Variants in PCCA observed in about 807,000 individuals in gnomAD.
PCCA encodes propionyl-CoA carboxylase subunit alpha.
Under a neutral mutation model 101.3 loss-of-function variants are expected in PCCA, and 74 were observed. The observed-to-expected ratio is 0.73, with a 90% confidence interval of 0.61 to 0.89. The LOEUF (loss-of-function observed/expected upper bound fraction) is 0.89. PCCA is among the 40% of genes least tolerant of loss of function. The probability of loss-of-function intolerance (pLI) is 0.00; values close to 1 mark genes in which losing one functional copy is unlikely to be tolerated. For missense variants in PCCA, 891 were observed against 907.0 expected, an observed-to-expected ratio of 0.98 and a Z score of 0.23; for synonymous variants, 294 against 313.6, an observed-to-expected ratio of 0.94 and a Z score of 0.66.
intron 6 of PCCA, among the ~76,000 whole-genome samples, chr13:100,199,670 G>T (rs2058352240): frequency 6.6e-6 from 1 of 152,044 alleles, no homozygotes; most frequent in South Asian, 2.1e-4. Flanking sequence ...GATGCTTACT[G>T]CCCATATCTA....
At chr13:100,130,410 C>G (rs551140345) in intron 4 of PCCA, among the ~76,000 whole-genome samples, 3 of 152,280 alleles carry the variant, frequency 2.0e-5, no homozygotes, top group South Asian at 4.1e-4. Context: ...GAATTGGAAC[C>G]TGTACAAAGG....
chr13:100,351,856 G>A (rs1337325012), intron 18 of PCCA, among the ~76,000 whole-genome samples: 1 of 152,108 alleles, frequency 6.6e-6, no homozygotes, highest in Non-Finnish European at 1.5e-5. Context: ...CCAATAATAT[G>A]TTCAATGAAA....
intron 6 of PCCA, among the ~76,000 whole-genome samples, chr13:100,188,273 C>A (rs1174933241): frequency 7.6e-6 from 1 of 131,366 alleles, no homozygotes; most frequent in Non-Finnish European, 1.8e-5. Context: ...AGCCTGGCGA[C>A]AGAGCAAGAC....
At chr13:100,147,076 C>T (rs2052669323) in intron 4 of PCCA, among the ~76,000 whole-genome samples, 1 of 150,870 alleles carries the variant, frequency 6.6e-6, no homozygotes, top group South Asian at 2.1e-4. Flanking sequence ...TCAGTTTATA[C>T]CAAGAAAAAT....
At chr13:100,171,308 T>C (rs1429681523) in intron 6 of PCCA, among the ~76,000 whole-genome samples, 1 of 152,110 alleles carries the variant, frequency 6.6e-6, no homozygotes, top group African/African-American at 2.4e-5. Context: ...CAAAGCTCCT[T>C]GAGATTGTCA....
chr13:100,427,848 T>G (rs1452410839), intron 20 of PCCA, among the ~76,000 whole-genome samples: 2 of 152,116 alleles, frequency 1.3e-5, no homozygotes, highest in Admixed American at 1.3e-4. Context: ...GTGGCCCCTA[T>G]GAAGATAATA....
chr13:100,233,570 G>T (rs1456570060), intron 7 of PCCA, among the ~76,000 whole-genome samples: 1 of 152,126 alleles, frequency 6.6e-6, no homozygotes, highest in East Asian at 1.9e-4. Flanking sequence ...ATTTTGTAGA[G>T]CCTGATAATA....
intron 1 of PCCA, among the ~76,000 whole-genome samples, chr13:100,096,169 G>A (rs1172097696): frequency 6.6e-6 from 1 of 152,012 alleles, no homozygotes; most frequent in Non-Finnish European, 1.5e-5. Context: ...TTTACAGATT[G>A]AGGGTTTGTG....
At chr13:100,128,871 G>A (rs1372841148) in intron 4 of PCCA, among the ~76,000 whole-genome samples, 2 of 152,102 alleles carry the variant, frequency 1.3e-5, no homozygotes, top group Non-Finnish European at 2.9e-5. Context: ...ATCACTCAAG[G>A]TTTGATTGGT....
chr13:100,496,927 G>A (rs1594008237), intron 21 of PCCA, among the ~76,000 whole-genome samples: 1 of 152,294 alleles, frequency 6.6e-6, no homozygotes, highest in East Asian at 1.9e-4. Context: ...TGTTCAGGTC[G>A]CTACAGTGGC....
rs571933206 is a variant in PCCA at position 100,200,458 on chromosome 13, G to A, written c.469-8874G>A. The stretch of plus-strand genomic sequence containing the variant: ...CAAAATGCCTTGGCTTCTTCTAATG[G>A]TATTTGGAGATCACAGTTGGGGTAC... On this transcript the variant is annotated intron_variant, in intron 6 of 23. Transcript: ENST00000376285. Among the ~76,000 whole-genome samples the A allele has an allele frequency of 2.6e-5, 4 of 152,132 alleles. No homozygotes were observed. The South Asian group carries it at 8.3e-4, about 32-fold the overall frequency.
At chr13:100,524,987 A>ATG (rs58963772) in intron 22 of PCCA, among the ~76,000 whole-genome samples, 14,553 of 56,026 alleles carry the variant, frequency 0.26, 789 homozygotes, top group East Asian at 0.48. Flanking sequence ...TAAGATGGAT[A>ATG]GATAGATAGA....
rs559248703 is a variant in PCCA, at chr13:100,462,731, C to A, written c.1899+13426C>A. ...ACAAAACCTAGCATTTAATGGTAGT[C>A]ATGAGAGTCAGTCAGTCATCTTACA... On this transcript the variant is annotated intron_variant, in intron 21 of 23. Coordinates refer to ENST00000376285, the MANE Select transcript of PCCA (RefSeq NM_000282.4). Among the ~76,000 whole-genome samples, 3 of 152,244 alleles carry A rather than the reference C, an allele frequency of 2.0e-5. No homozygotes were observed. The South Asian group carries it at 6.2e-4, about 32-fold the overall frequency.
chr13:100,499,906 C>CCG (rs2152987622), intron 21 of PCCA, among the ~76,000 whole-genome samples: 1 of 140,692 alleles, frequency 7.1e-6, no homozygotes, highest in Admixed American at 7.9e-5. Context: ...ATTTTATTGG[C>CCG]CACAGTTTTG....
intron 21 of PCCA, among the ~76,000 whole-genome samples, chr13:100,458,440 TACAC>T (rs777836240): frequency 0.062 from 7,315 of 118,466 alleles, 236 homozygotes; most frequent in Middle Eastern, 0.068. Context: ...CACACACACA[TACAC>T]ACACACACAC....
intron 7 of PCCA, among the ~76,000 whole-genome samples, chr13:100,225,101 A>G (rs896612210): frequency 1.3e-5 from 2 of 152,240 alleles, no homozygotes; most frequent in Admixed American, 1.3e-4. Context: ...GAGCATGGCA[A>G]AACTTGAAGT....
chr13:100,129,277 T>G (rs1002212123), intron 4 of PCCA, among the ~76,000 whole-genome samples: 1 of 152,246 alleles, frequency 6.6e-6, no homozygotes, highest in Admixed American at 6.5e-5. Context: ...GTGAATCTTT[T>G]AATCTTTTAG....
intron 1 of PCCA, among the ~76,000 whole-genome samples, chr13:100,091,108 G>T (rs891365492): frequency 1.3e-5 from 2 of 148,556 alleles, no homozygotes; most frequent in Admixed American, 1.4e-4. Flanking sequence ...AGAGTAGATG[G>T]TGTTGGGGAA....
intron 21 of PCCA, among the ~76,000 whole-genome samples, chr13:100,465,232 T>C (rs1413131816): frequency 6.6e-6 from 1 of 152,186 alleles, no homozygotes. Flanking sequence ...GAATTTGCAA[T>C]ATATTTTGAA....
Sources: allele counts gnomAD v4.1 joint callset (sites outside exome capture counted in the v4.1 genomes callset), GRCh38; gene constraint gnomAD v4.1.1; transcripts MANE v1.5; gene names NCBI Gene and HGNC (gene_info 2026-07-23, HGNC 2026-07-21).